Variants in SLC8A1 observed in about 807,000 individuals in gnomAD.
SLC8A1 encodes solute carrier family 8 member A1, also known as sodium/calcium exchanger 1.
A neutral mutation model predicts 68.3 loss-of-function variants in SLC8A1; 18 were observed. The ratio of observed to expected loss-of-function variants is 0.26; its 90% CI spans 0.18 to 0.39. The LOEUF (loss-of-function observed/expected upper bound fraction) is 0.39. Among genes scored for constraint, SLC8A1 ranks in the 10% least tolerant of loss-of-function variants. The probability of loss-of-function intolerance (pLI) is 1.00; values close to 1 mark genes in which losing one functional copy is unlikely to be tolerated. For missense variants in SLC8A1, 985 were observed against 1,156.7 expected (o/e 0.85, Z 2.15); for synonymous variants, 475 against 415.5 (o/e 1.14, Z -1.74).
At chr2:40,200,222 T>A (rs796817569) in intron 2 of SLC8A1, among the ~76,000 whole-genome samples, 1,416 of 4,444 alleles carry the variant, frequency 0.32, 220 homozygotes, top group South Asian at 0.47. Flanking sequence ...ATATATATTT[T>A]TTTATATATA....
chr2:40,174,803 A>G (rs756841216), intron 4 of SLC8A1, 22 bp downstream of exon 5: 1 of 1,607,874 alleles, frequency 6.2e-7, no homozygotes, highest in Non-Finnish European at 8.5e-7. Flanking sequence ...GTTAGATAGC[A>G]TTAGACTTGA....
At chr2:40,430,075 G>A (rs1576429924) in exon 2 of SLC8A1, 6 of 1,613,866 alleles carry the variant, frequency 3.7e-6, no homozygotes, top group Non-Finnish European at 5.1e-6. Context: ...CCCAAAAGAA[G>A]GGTCTTGGGG....
chr2:40,475,236 C>T (rs1704211059), intron 1 of SLC8A1, among the ~76,000 whole-genome samples: 1 of 152,136 alleles, frequency 6.6e-6, no homozygotes, highest in Non-Finnish European at 1.5e-5. Context: ...CGGGTTCACG[C>T]CATTCTCCTG....
At chr2:40,434,553 A>G (rs1371416341) in intron 1 of SLC8A1, among the ~76,000 whole-genome samples, 1 of 152,166 alleles carries the variant, frequency 6.6e-6, no homozygotes, top group Non-Finnish European at 1.5e-5. Context: ...ATAAGAATAG[A>G]GACTGTGGAT....
chr2:40,353,842 C>G (rs1045480597), intron 2 of SLC8A1, among the ~76,000 whole-genome samples: 1 of 152,288 alleles, frequency 6.6e-6, no homozygotes, highest in Non-Finnish European at 1.5e-5. Flanking sequence ...AGAGGTAAAC[C>G]TCTTAAGGAG....
intron 2 of SLC8A1, among the ~76,000 whole-genome samples, chr2:40,397,560 A>G (rs927026944): frequency 6.6e-6 from 1 of 152,204 alleles, no homozygotes; most frequent in South Asian, 2.1e-4. Flanking sequence ...TGTTATCATT[A>G]CTATGTATCC....
rs529784847 is a variant in SLC8A1 at position 40,287,733 on chromosome 2, A to C, written c.1809-109878T>G. On this transcript the variant is annotated intron_variant, in intron 2 of 7. Transcript: ENST00000406785. ...TGAGGGATAGGGACTCAGGGATGGG[A>C]AACTGGCATGGGGCTCTGCAAGCAG... 9.3e-4 allele frequency among the ~76,000 whole-genome samples: 142 copies of C among 151,936 alleles called. 2 individuals carry two copies. Among genetic ancestry groups the C allele is most frequent in the Admixed American group, 9.3e-3 (142 of 15,212 alleles).
intron 7 of SLC8A1, among the ~76,000 whole-genome samples, chr2:40,138,894 C>G (rs2041034084): frequency 6.6e-6 from 1 of 152,144 alleles, no homozygotes; most frequent in African/African-American, 2.4e-5. Flanking sequence ...TTTTTCCTGT[C>G]TTGATCAATG....
chr2:40,218,066 T>C (rs923999998), intron 2 of SLC8A1, among the ~76,000 whole-genome samples: 52 of 150,672 alleles, frequency 3.5e-4, no homozygotes, highest in African/African-American at 1.2e-3. Context: ...GCCTTCAGAG[T>C]ACTATGGGAG....
chr2:40,430,657 T>A (rs1299473298), intron 1 of SLC8A1, among the ~76,000 whole-genome samples: 1 of 152,230 alleles, frequency 6.6e-6, no homozygotes, highest in Non-Finnish European at 1.5e-5. Context: ...TGCATGCTAA[T>A]AGCCAAAATC....
At chr2:40,375,963 T>C (rs761685490) in intron 2 of SLC8A1, among the ~76,000 whole-genome samples, 15 of 151,976 alleles carry the variant, frequency 9.9e-5, no homozygotes, top group South Asian at 2.1e-4. Context: ...ACAGCACCAC[T>C]ACACTCCAGC....
chr2:40,260,213 T>C lies in SLC8A1; in HGVS notation c.1809-82358A>G, dbSNP rs538163417. Among the ~76,000 whole-genome samples, 69 of 152,324 alleles carry C rather than the reference T, an allele frequency of 4.5e-4. No homozygotes were observed. In the South Asian group the frequency reaches 0.014, roughly 32 times the overall value. ...TTCCTTATAATAGACAAATGTGAAT[T>C]ATCTTCACAACCTGTTCATTTAACT... On this transcript the variant is annotated intron_variant, in intron 2 of 7. Coordinates refer to ENST00000406785, the Ensembl canonical transcript of SLC8A1.
intron 2 of SLC8A1, among the ~76,000 whole-genome samples, chr2:40,186,103 T>C (rs1306784628): frequency 6.6e-6 from 1 of 152,218 alleles, no homozygotes; most frequent in African/African-American, 2.4e-5. Context: ...TTGACTCCTT[T>C]CTTTTCCCCA....
At chr2:40,370,578 G>T (rs1360594414) in intron 2 of SLC8A1, among the ~76,000 whole-genome samples, 2 of 152,042 alleles carry the variant, frequency 1.3e-5, no homozygotes, top group Non-Finnish European at 2.9e-5. Flanking sequence ...ATTCTTATCA[G>T]AATGACTTGA....
rs995152920 is a variant in SLC8A1, at chr2:40,122,881, G to A, written c.2438-7252C>T. ...TGTTTGCACTTTATGGAGGTGCCCCGGGCTTAGTTTTCCTACTTTGTATCT... is the reference window on the plus strand; with the variant it reads ...TGTTTGCACTTTATGGAGGTGCCCCAGGCTTAGTTTTCCTACTTTGTATCT... On this transcript the variant is annotated intron_variant, in intron 7 of 7. Coordinates refer to ENST00000406785, the Ensembl canonical transcript of SLC8A1. 6.6e-5 allele frequency among the ~76,000 whole-genome samples: 10 copies of A among 152,132 alleles called. No homozygotes were observed. In the Middle Eastern group the frequency reaches 0.017, roughly 259 times the overall value.
exon 8 of SLC8A1, chr2:40,109,570 A>G (rs1361666385): frequency 6.6e-6 from 1 of 152,214 alleles, no homozygotes; most frequent in Non-Finnish European, 1.5e-5. Context: ...TTCTCCTATG[A>G]TAAGTTCACT....
intron 1 of SLC8A1, among the ~76,000 whole-genome samples, chr2:40,458,778 T>G (rs185545423): frequency 5.2e-4 from 79 of 152,326 alleles, no homozygotes; most frequent in Non-Finnish European, 9.7e-4. Flanking sequence ...AATTTGTGAC[T>G]AAGTCAGAGA....
At chr2:40,205,930 G>A (rs1234308863) in intron 2 of SLC8A1, among the ~76,000 whole-genome samples, 1 of 151,812 alleles carries the variant, frequency 6.6e-6, no homozygotes, top group Non-Finnish European at 1.5e-5. Flanking sequence ...TACCTAGAAA[G>A]GGAAACATGA....
chr2:40,103,399 C>G (rs2034014578), exon 8 of SLC8A1: 1 of 152,108 alleles, frequency 6.6e-6, no homozygotes, highest in South Asian at 2.1e-4. Flanking sequence ...TTTGAGTAGT[C>G]ATTTACTCCA....
Sources: gnomAD v4.1 joint callset for allele counts (sites outside exome capture counted in the v4.1 genomes callset) on GRCh38, gnomAD v4.1.1 for gene constraint, MANE v1.5 for transcripts, NCBI Gene and HGNC (gene_info 2026-07-23, HGNC 2026-07-21) for gene names.